Variants in CSRNP3 observed in about 807,000 individuals in gnomAD.
CSRNP3 encodes the protein cysteine/serine-rich nuclear protein 3.
In CSRNP3, 12 loss-of-function variants were observed where a neutral mutation model predicts 48.0. The ratio of observed to expected loss-of-function variants is 0.25; its 90% confidence interval spans 0.16 to 0.41. CSRNP3 has a LOEUF of 0.41. CSRNP3 is among the 10% of genes least tolerant of loss of function. The pLI, the probability that CSRNP3 is intolerant of heterozygous loss-of-function variation, is 1.00. For missense variants in CSRNP3, 580 were observed against 724.4 expected, an observed-to-expected ratio of 0.80 and a Z score of 2.29; for synonymous variants, 263 against 269.7, an observed-to-expected ratio of 0.98 and a Z score of 0.24.
intron 2 of CSRNP3, among the ~76,000 whole-genome samples, chr2:165,509,840 C>G (rs966254931): frequency 1.3e-5 from 2 of 152,136 alleles, no homozygotes; most frequent in Admixed American, 6.5e-5. Flanking sequence ...ATCAAGGATA[C>G]CACATTGAAT....
At position 165,641,530 on chromosome 2, in the gene CSRNP3, G is replaced by A. The variant is rs368122670; in HGVS notation, c.149-16231G>A. Among the ~76,000 whole-genome samples, 36 of 152,070 alleles carry A rather than the reference G, an allele frequency of 2.4e-4. 1 individual carries two copies. The highest frequency in any genetic ancestry group is 1.7e-3 in the East Asian group (9 of 5,186). On this transcript the variant is annotated intron_variant, in intron 4 of 6. Coordinates refer to ENST00000651982, the MANE Select transcript of CSRNP3 (RefSeq NM_001172173.2). ...GTCAGGAGTCTGGGAACCACAGCAG[G>A]CAAGTCTACCTTAAAAGAATTCTTC...
chr2:165,476,981 T>C (rs1242225713), intron 1 of CSRNP3, among the ~76,000 whole-genome samples: 1 of 152,128 alleles, frequency 6.6e-6, no homozygotes, highest in Non-Finnish European at 1.5e-5. Flanking sequence ...TGCTTGCTAG[T>C]GGGTGAAAAA....
intron 3 of CSRNP3, among the ~76,000 whole-genome samples, chr2:165,555,743 C>T (rs745552686): frequency 1.3e-5 from 2 of 152,062 alleles, no homozygotes; most frequent in Non-Finnish European, 2.9e-5. Flanking sequence ...GAGGCTGAAT[C>T]GTAATATGTG....
chr2:165,607,881 T>G (rs1282023447), intron 4 of CSRNP3, among the ~76,000 whole-genome samples: 2 of 152,042 alleles, frequency 1.3e-5, no homozygotes, highest in African/African-American at 2.4e-5. Context: ...AACCTGTTTC[T>G]TCTTTCGCAA....
chr2:165,510,623 T>G (rs990293070), intron 2 of CSRNP3, among the ~76,000 whole-genome samples: 3 of 152,174 alleles, frequency 2.0e-5, no homozygotes, highest in Non-Finnish European at 4.4e-5. Flanking sequence ...ATTGAGCACT[T>G]TAGTAAATGA....
intron 3 of CSRNP3, among the ~76,000 whole-genome samples, chr2:165,520,223 A>T (rs1050286508): frequency 3.3e-5 from 5 of 152,186 alleles, no homozygotes; most frequent in Non-Finnish European, 7.4e-5. Context: ...CAAATGAGTG[A>T]TCAGGGTTTT....
At chr2:165,599,333 A>AGAAAGAAAGGAAT (rs1685870945) in intron 4 of CSRNP3, among the ~76,000 whole-genome samples, 1 of 144,184 alleles carries the variant, frequency 6.9e-6, no homozygotes, top group East Asian at 2.1e-4. Context: ...AAGAAAGGAA[A>AGAAAGAAAGGAAT]AGAAAAAAAG....
intron 4 of CSRNP3, among the ~76,000 whole-genome samples, chr2:165,642,990 G>A (rs1326248759): frequency 1.3e-5 from 2 of 152,204 alleles, no homozygotes; most frequent in African/African-American, 2.4e-5. Flanking sequence ...AAGAAAGAGA[G>A]ATAGAGAGAA....
At chr2:165,565,083 G>T (rs1685280437) in intron 3 of CSRNP3, among the ~76,000 whole-genome samples, 1 of 151,962 alleles carries the variant, frequency 6.6e-6, no homozygotes, top group Non-Finnish European at 1.5e-5. Context: ...TGTTCCATAG[G>T]TAATCATCAG....
At chr2:165,513,105 A>T (rs1684529905) in intron 2 of CSRNP3, among the ~76,000 whole-genome samples, 1 of 152,140 alleles carries the variant, frequency 6.6e-6, no homozygotes, top group Admixed American at 6.5e-5. Flanking sequence ...ACTCTGTCTC[A>T]AAAAGAAAAA....
At chr2:165,649,461 A>G (rs1164746853) in intron 4 of CSRNP3, among the ~76,000 whole-genome samples, 1 of 152,238 alleles carries the variant, frequency 6.6e-6, no homozygotes, top group Non-Finnish European at 1.5e-5. Flanking sequence ...AAGGAATGAT[A>G]TCAGAATGAC....
chr2:165,527,961 GA>G (rs1322597401), intron 3 of CSRNP3, among the ~76,000 whole-genome samples: 1 of 150,700 alleles, frequency 6.6e-6, no homozygotes, highest in Admixed American at 6.6e-5. Flanking sequence ...GAAAGAAAGA[GA>G]AAAAAGAGAG....
At chr2:165,642,754 G>A (rs990084814) in intron 4 of CSRNP3, among the ~76,000 whole-genome samples, 1 of 152,084 alleles carries the variant, frequency 6.6e-6, no homozygotes, top group African/African-American at 2.4e-5. Context: ...TAGAGATGGG[G>A]TTTTGCCATG....
chr2:165,656,207 CA>C (rs1445028786), intron 4 of CSRNP3, among the ~76,000 whole-genome samples: 1 of 152,062 alleles, frequency 6.6e-6, no homozygotes, highest in Non-Finnish European at 1.5e-5. Context: ...CAGTCTACAT[CA>C]AAAAAAGTCA....
At chr2:165,666,950 G>GGA (rs1687230766) in intron 5 of CSRNP3, among the ~76,000 whole-genome samples, 4 of 64,718 alleles carry the variant, frequency 6.2e-5, no homozygotes, top group Non-Finnish European at 1.7e-4. Context: ...AAGAAAGAGA[G>GGA]AGAGGAAGGA....
intron 3 of CSRNP3, among the ~76,000 whole-genome samples, chr2:165,520,972 C>G (rs1426172642): frequency 6.6e-6 from 1 of 150,866 alleles, no homozygotes; most frequent in African/African-American, 2.4e-5. Flanking sequence ...TATAGGCATG[C>G]ACTACCACAC....
rs1685790057 is a variant in CSRNP3, at chr2:165,595,186, A to C, written c.121A>C (p.Asn41His). The change falls in exon 4 of 7, where the codon AAT becomes CAT. Residue 41 changes from asparagine (N) to histidine (H), a missense_variant. Asn to His is a moderately conservative substitution (Grantham distance 68). Around this residue, in one of 4 missense-constraint regions of CSRNP3, gnomAD observed 83 missense variants for 139.6 expected, o/e 0.59. Coordinates refer to ENST00000651982, the MANE Select transcript of CSRNP3 (RefSeq NM_001172173.2). Reference protein sequence around the residue: ...SESADSGDSVNPSTSSHFTPS... With the variant: ...SESADSGDSVHPSTSSHFTPS... The stretch of plus-strand genomic sequence containing the variant: ...AAGTGCTGACAGTGGGGACAGTGTC[A>C]ATCCATCCACTTCTAGTCATTTTAC... The C allele has an allele frequency of 6.2e-7, 1 of 1,614,038 alleles. No homozygotes were observed. Among genetic ancestry groups the C allele is most frequent in the Admixed American group, 1.7e-5 (1 of 60,006 alleles).
chr2:165,668,055 C>T (rs1840251), intron 5 of CSRNP3, among the ~76,000 whole-genome samples: 103,185 of 152,040 alleles, frequency 0.68, 36,102 homozygotes, highest in South Asian at 0.77. Flanking sequence ...AAGACAGATG[C>T]CATCTCTGCT....
chr2:165,555,389 T>A (rs897344139), intron 3 of CSRNP3, among the ~76,000 whole-genome samples: 1 of 152,158 alleles, frequency 6.6e-6, no homozygotes, highest in Admixed American at 6.5e-5. Flanking sequence ...ATTTTACAGA[T>A]GAGGAAACTG....
Sources: allele counts gnomAD v4.1 joint callset (sites outside exome capture counted in the v4.1 genomes callset), GRCh38; gene constraint gnomAD v4.1.1; regional missense constraint gnomAD v4.1.1; transcripts MANE v1.5; gene names NCBI Gene and HGNC (gene_info 2026-07-23, HGNC 2026-07-21).